HS6ST3: variants seen among roughly 807,000 people sequenced by gnomAD.
HS6ST3 encodes heparan-sulfate 6-O-sulfotransferase 3.
A neutral mutation model predicts 36.7 loss-of-function variants in HS6ST3; 12 were observed. The observed-to-expected ratio is 0.33, with a 90% CI of 0.21 to 0.53. HS6ST3 has a LOEUF of 0.53. Among genes scored for constraint, HS6ST3 ranks in the 20% least tolerant of loss-of-function variants. The pLI, the probability that HS6ST3 is intolerant of heterozygous loss-of-function variation, is 0.95. For missense variants in HS6ST3, 584 were observed against 640.9 expected (o/e 0.91, Z 0.96); for synonymous variants, 240 against 257.5 (o/e 0.93, Z 0.65).
intron 1 of HS6ST3, among the ~76,000 whole-genome samples, chr13:96,228,091 A>G (rs2054489867): frequency 6.6e-6 from 1 of 152,172 alleles, no homozygotes; most frequent in Non-Finnish European, 1.5e-5. Context: ...AGTAGTAGAT[A>G]TTTCAGGCTT....
At chr13:96,116,834 T>C (rs750837102) in intron 1 of HS6ST3, among the ~76,000 whole-genome samples, 1 of 152,226 alleles carries the variant, frequency 6.6e-6, no homozygotes, top group Non-Finnish European at 1.5e-5. Flanking sequence ...TGACTTGTGT[T>C]CTTGCCATTC....
intron 1 of HS6ST3, among the ~76,000 whole-genome samples, chr13:96,525,627 A>T (rs183286736): frequency 6.6e-6 from 1 of 152,330 alleles, no homozygotes; most frequent in Non-Finnish European, 1.5e-5. Context: ...TTTATTTCAG[A>T]TGATTTCAAA....
chr13:96,390,323 C>A (rs941102151), intron 1 of HS6ST3, among the ~76,000 whole-genome samples: 4 of 152,142 alleles, frequency 2.6e-5, no homozygotes, highest in Non-Finnish European at 5.9e-5. Flanking sequence ...CCACTAAATT[C>A]ATATGTAGAA....
intron 1 of HS6ST3, among the ~76,000 whole-genome samples, chr13:96,141,426 TC>T (rs1188897880): frequency 6.6e-6 from 1 of 152,054 alleles, no homozygotes; most frequent in African/African-American, 2.4e-5. Flanking sequence ...TGATCATGGC[TC>T]ACTGCATCCT....
intron 1 of HS6ST3, among the ~76,000 whole-genome samples, chr13:96,195,670 A>C (rs374998407): frequency 5.3e-5 from 8 of 152,218 alleles, no homozygotes; most frequent in South Asian, 2.1e-4. Context: ...GACACCATGC[A>C]CTCAGTAGCA....
chr13:96,750,236 A>G (rs1366232811), intron 1 of HS6ST3, among the ~76,000 whole-genome samples: 1 of 152,238 alleles, frequency 6.6e-6, no homozygotes. Context: ...TGTTAGTTAC[A>G]TGGCCCAGGA....
intron 1 of HS6ST3, among the ~76,000 whole-genome samples, chr13:96,610,778 G>A (rs1482688554): frequency 6.6e-6 from 1 of 151,034 alleles, no homozygotes; most frequent in African/African-American, 2.4e-5. Context: ...TTCTGAAATA[G>A]AAGAGACAGA....
At chr13:96,394,445 G>A (rs1185830064) in intron 1 of HS6ST3, among the ~76,000 whole-genome samples, 4 of 152,100 alleles carry the variant, frequency 2.6e-5, no homozygotes, top group African/African-American at 9.7e-5. Flanking sequence ...CCTCACTCCT[G>A]TCCTGCATTC....
intron 1 of HS6ST3, among the ~76,000 whole-genome samples, chr13:96,565,794 A>G (rs1406080198): frequency 2.0e-5 from 3 of 152,192 alleles, no homozygotes; most frequent in African/African-American, 7.2e-5. Context: ...GTCAATGTAC[A>G]TAATAAGATC....
intron 1 of HS6ST3, among the ~76,000 whole-genome samples, chr13:96,374,924 G>C (rs1425418060): frequency 6.6e-6 from 1 of 152,060 alleles, no homozygotes; most frequent in Non-Finnish European, 1.5e-5. Flanking sequence ...TATCAACTAA[G>C]TAACAAGAAG....
chr13:96,747,515 C>A (rs1876589959), intron 1 of HS6ST3, among the ~76,000 whole-genome samples: 1 of 151,956 alleles, frequency 6.6e-6, no homozygotes, highest in South Asian at 2.1e-4. Context: ...ATTACTATCC[C>A]AAATAAGAAT....
chr13:96,110,204 A>C (rs2053861356), intron 1 of HS6ST3, among the ~76,000 whole-genome samples: 2 of 152,042 alleles, frequency 1.3e-5, no homozygotes, highest in Admixed American at 1.3e-4. Flanking sequence ...AAGAAGGCAA[A>C]GGAGGAGCAG....
chr13:96,107,061 T>C (rs1464100697), intron 1 of HS6ST3, among the ~76,000 whole-genome samples: 1 of 152,182 alleles, frequency 6.6e-6, no homozygotes, highest in Non-Finnish European at 1.5e-5. Flanking sequence ...AAGGGAGTTA[T>C]GGATATTTGC....
At chr13:96,505,903 A>T (rs1467357524) in intron 1 of HS6ST3, among the ~76,000 whole-genome samples, 1 of 152,162 alleles carries the variant, frequency 6.6e-6, no homozygotes. Context: ...ATTGTTTTAA[A>T]TGTAAAAGCA....
At chr13:96,437,417 G>C (rs891888866) in intron 1 of HS6ST3, among the ~76,000 whole-genome samples, 4 of 152,184 alleles carry the variant, frequency 2.6e-5, no homozygotes, top group Non-Finnish European at 4.4e-5. Flanking sequence ...TTGCTTTGAA[G>C]ATTTTACATT....
chr13:96,108,359 C>G (rs1281642978), intron 1 of HS6ST3, among the ~76,000 whole-genome samples: 1 of 152,198 alleles, frequency 6.6e-6, no homozygotes, highest in East Asian at 1.9e-4. Flanking sequence ...AGATGTTTAT[C>G]AGTGACGATG....
chr13:96,400,869 T>C (rs2055447797), intron 1 of HS6ST3, among the ~76,000 whole-genome samples: 1 of 151,516 alleles, frequency 6.6e-6, no homozygotes, highest in Admixed American at 6.6e-5. Context: ...TTTCCTCCCC[T>C]GAAGAGTATT....
At chr13:96,332,036 C>A (rs549284148) in intron 1 of HS6ST3, among the ~76,000 whole-genome samples, 77 of 152,326 alleles carry the variant, frequency 5.1e-4, no homozygotes, top group African/African-American at 1.8e-3. Flanking sequence ...CGCCTTGCTT[C>A]GGCTCGCGCA....
At chr13:96,133,062 C>T (rs1222341403) in intron 1 of HS6ST3, among the ~76,000 whole-genome samples, 2 of 151,940 alleles carry the variant, frequency 1.3e-5, no homozygotes, top group Non-Finnish European at 2.9e-5. Flanking sequence ...TATTTTCTCC[C>T]ATTCTGTGGA....
Sources: gnomAD v4.1 joint callset for allele counts (sites outside exome capture counted in the v4.1 genomes callset) on GRCh38, gnomAD v4.1.1 for gene constraint, MANE v1.5 for transcripts, NCBI Gene and HGNC (gene_info 2026-07-23, HGNC 2026-07-21) for gene names.